The following CADM1 variants were observed in gnomAD, a reference collection of about 807,000 sequenced individuals.
CADM1 encodes TSLC-1.
A neutral mutation model predicts 53.1 loss-of-function variants in CADM1; 15 were observed. The observed-to-expected ratio is 0.28, with a 90% CI of 0.19 to 0.44. The LOEUF is 0.44. Among genes scored for constraint, CADM1 ranks in the 20% least tolerant of loss-of-function variants. The probability of loss-of-function intolerance (pLI) is 1.00; values close to 1 mark genes in which losing one functional copy is unlikely to be tolerated. For missense variants in CADM1, 434 were observed against 611.3 expected (o/e 0.71, Z 3.06); for synonymous variants, 281 against 243.0 (o/e 1.16, Z -1.45).
chr11:115,301,427 A>G (rs1296876839), intron 1 of CADM1, among the ~76,000 whole-genome samples: 4 of 152,084 alleles, frequency 2.6e-5, no homozygotes, highest in African/African-American at 4.8e-5. Context: ...TCCTCTTACT[A>G]GTCTTACTTG....
chr11:115,239,708 T>C (rs1686597281), intron 2 of CADM1, among the ~76,000 whole-genome samples: 1 of 144,660 alleles, frequency 6.9e-6, no homozygotes, highest in African/African-American at 2.5e-5. Context: ...CAATAACAGT[T>C]TTTGGTTTTT....
intron 2 of CADM1, 122 bp downstream of exon 2, chr11:115,240,151 AG>A: frequency 1.2e-6 from 1 of 867,306 alleles, no homozygotes; most frequent in Non-Finnish European, 1.8e-6. Context: ...TTCCCTCTAA[AG>A]AACTGACTAA....
intron 1 of CADM1, among the ~76,000 whole-genome samples, chr11:115,328,713 T>TACGC (rs375794586): frequency 3.6e-4 from 18 of 49,596 alleles, no homozygotes; most frequent in Middle Eastern, 9.6e-3. Flanking sequence ...TATATATATA[T>TACGC]GTGTATATAT....
chr11:115,329,265 T>C (rs1945068581), intron 1 of CADM1, among the ~76,000 whole-genome samples: 1 of 152,156 alleles, frequency 6.6e-6, no homozygotes, highest in Non-Finnish European at 1.5e-5. Flanking sequence ...ATCAGGTCTT[T>C]TAGAACTGAA....
At chr11:115,272,924 G>A (rs1018930276) in intron 1 of CADM1, among the ~76,000 whole-genome samples, 5 of 151,960 alleles carry the variant, frequency 3.3e-5, no homozygotes, top group African/African-American at 9.7e-5. Flanking sequence ...AAAAAGCAAC[G>A]ACGTGAAGTT....
chr11:115,481,405 C>T (rs1949254961), intron 1 of CADM1, among the ~76,000 whole-genome samples: 1 of 152,192 alleles, frequency 6.6e-6, no homozygotes, highest in Non-Finnish European at 1.5e-5. Context: ...AGTCTCTTGA[C>T]AGCCCCTTCT....
chr11:115,244,517 C>T (rs1942345666), intron 1 of CADM1, among the ~76,000 whole-genome samples: 1 of 152,206 alleles, frequency 6.6e-6, no homozygotes, highest in South Asian at 2.1e-4. Flanking sequence ...ATACTTTTCT[C>T]TCTCAAACTC....
At chr11:115,383,946 GCTC>G (rs1383128765) in intron 1 of CADM1, among the ~76,000 whole-genome samples, 4 of 151,456 alleles carry the variant, frequency 2.6e-5, no homozygotes, top group Non-Finnish European at 5.9e-5. Flanking sequence ...TTCCCTAAGA[GCTC>G]CTGGAAAAAA....
chr11:115,303,767 T>C (rs1944295378), intron 1 of CADM1, among the ~76,000 whole-genome samples: 1 of 152,008 alleles, frequency 6.6e-6, no homozygotes, highest in Non-Finnish European at 1.5e-5. Context: ...GAAGCATTAG[T>C]GAAAGAGATT....
intron 1 of CADM1, among the ~76,000 whole-genome samples, chr11:115,253,906 G>T (rs572808871): frequency 6.6e-6 from 1 of 152,176 alleles, no homozygotes; most frequent in East Asian, 1.9e-4. Flanking sequence ...ATTTGATTTT[G>T]ATCTGGGTTC....
intron 1 of CADM1, among the ~76,000 whole-genome samples, chr11:115,288,466 A>C (rs1468429807): frequency 6.6e-6 from 1 of 152,190 alleles, no homozygotes; most frequent in Non-Finnish European, 1.5e-5. Context: ...ATTAAGAAAA[A>C]AAAAAATCAC....
At chr11:115,403,247 TG>T (rs1947209601) in intron 1 of CADM1, among the ~76,000 whole-genome samples, 1 of 151,426 alleles carries the variant, frequency 6.6e-6, no homozygotes, top group Non-Finnish European at 1.5e-5. Flanking sequence ...TCAAAATATC[TG>T]GCCAGTACTC....
At chr11:115,395,646 C>A (rs902973872) in intron 1 of CADM1, among the ~76,000 whole-genome samples, 2 of 152,084 alleles carry the variant, frequency 1.3e-5, no homozygotes, top group Non-Finnish European at 2.9e-5. Context: ...CGCCAGCAAT[C>A]GGAGATGTTT....
chr11:115,340,387 A>G (rs1433845264), intron 1 of CADM1: 3 of 151,628 alleles, frequency 2.0e-5, no homozygotes, highest in African/African-American at 4.8e-5. Flanking sequence ...TTTCATGACA[A>G]TCTCTTTTAG....
chr11:115,408,433 T>G (rs1291750763), intron 1 of CADM1, among the ~76,000 whole-genome samples: 1 of 152,188 alleles, frequency 6.6e-6, no homozygotes, highest in Non-Finnish European at 1.5e-5. Flanking sequence ...AATAAATCAA[T>G]GAAGGCCTGG....
intron 1 of CADM1, among the ~76,000 whole-genome samples, chr11:115,295,904 A>G (rs75670358): frequency 2.0e-5 from 3 of 152,102 alleles, no homozygotes; most frequent in Non-Finnish European, 4.4e-5. Flanking sequence ...TCATTTGTCA[A>G]TGCTTAACTT....
At chr11:115,312,990 A>C (rs1944570056) in intron 1 of CADM1, among the ~76,000 whole-genome samples, 1 of 152,158 alleles carries the variant, frequency 6.6e-6, no homozygotes, top group Non-Finnish European at 1.5e-5. Flanking sequence ...AGTATGCTGT[A>C]AATGATTTTT....
At chr11:115,461,226 T>C (rs976152146) in intron 1 of CADM1, among the ~76,000 whole-genome samples, 5 of 152,082 alleles carry the variant, frequency 3.3e-5, no homozygotes, top group African/African-American at 1.2e-4. Flanking sequence ...CTAAACATAA[T>C]TGGATAGTAT....
chr11:115,273,018 G>C (rs1212420287), intron 1 of CADM1, among the ~76,000 whole-genome samples: 1 of 152,186 alleles, frequency 6.6e-6, no homozygotes, highest in Non-Finnish European at 1.5e-5. Flanking sequence ...TGTCAGGGCA[G>C]GTAGGGTCAA....
Sources: gnomAD v4.1 joint callset for allele counts (sites outside exome capture counted in the v4.1 genomes callset) on GRCh38, gnomAD v4.1.1 for gene constraint, MANE v1.5 for transcripts, NCBI Gene and HGNC (gene_info 2026-07-23, HGNC 2026-07-21) for gene names.